Variants in ANO3 observed in about 807,000 individuals in gnomAD.
ANO3 encodes anoctamin 3, also known as anoctamin-3.
A neutral mutation model predicts 144.8 loss-of-function variants in ANO3; 99 were observed. That is an observed-to-expected ratio of 0.68 (90% CI 0.58 to 0.81). The LOEUF is 0.81. Ranked by LOEUF, ANO3 falls within the 30% of genes least tolerant of loss-of-function variation. The pLI is 0.00. For missense variants in ANO3, 905 were observed against 1,202.2 expected (o/e 0.75, Z 3.66); for synonymous variants, 414 against 392.6 (o/e 1.05, Z -0.64).
chr11:26,560,131 T>C (rs1005694095), intron 14 of ANO3: 11 of 197,218 alleles, frequency 5.6e-5, no homozygotes, highest in African/African-American at 2.6e-4. Context: ...AAAAGTTGTT[T>C]GATATTTCCA....
At chr11:26,652,871 C>A (rs1053022060) in intron 24 of ANO3, among the ~76,000 whole-genome samples, 1 of 152,194 alleles carries the variant, frequency 6.6e-6, no homozygotes, top group African/African-American at 2.4e-5. Context: ...AACTCCAGTT[C>A]TCACATCATT....
rs980392588 is a variant in ANO3 at position 26,579,302 on chromosome 11, A to G, written c.1448-19063A>G. Among the ~76,000 whole-genome samples, 23 of 152,294 alleles carry G rather than the reference A, an allele frequency of 1.5e-4. No homozygotes were observed. In the East Asian group the frequency reaches 3.3e-3, roughly 22 times the overall value. Reference sequence around the variant, plus strand: ...CCTCAGCAGCAGAGTGTTCTCACCAACGAGCCATAACTTGAAGCAGATAGA... The same window carrying G: ...CCTCAGCAGCAGAGTGTTCTCACCAGCGAGCCATAACTTGAAGCAGATAGA... On this transcript the variant is annotated intron_variant, in intron 14 of 26. Transcript: ENST00000256737.
In ANO3 at chr11:26,322,107, T is replaced by C. The variant is rs1854773908; in HGVS notation, c.-3+12388T>C. 2.0e-5 allele frequency among the ~76,000 whole-genome samples: 3 copies of C among 152,114 alleles called. No homozygotes were observed. In the South Asian group the frequency reaches 6.2e-4, roughly 31 times the overall value. On this transcript the variant is annotated intron_variant, in intron 1 of 26. Transcript: ENST00000525139. The stretch of plus-strand genomic sequence containing the variant: ...TTTGGTTCTAACTATGAATCTTTCC[T>C]TCAGTTTATGTACCGCATTTTTTTA...
rs376526768 is a variant in ANO3 at position 26,535,911 on chromosome 11, A to C, written c.976+1349A>C. On this transcript the variant is annotated intron_variant, in intron 9 of 26. Coordinates refer to ENST00000256737, the MANE Select transcript of ANO3 (RefSeq NM_031418.4). Reference sequence around the variant, plus strand: ...AGCCACTTTTTAAAGAAAAACCTTCAGACTGTTGTTCTTCTAATTAATAAT... The same window carrying C: ...AGCCACTTTTTAAAGAAAAACCTTCCGACTGTTGTTCTTCTAATTAATAAT... 1.5e-4 allele frequency among the ~76,000 whole-genome samples: 23 copies of C among 152,168 alleles called. No individual in the cohort carries two copies. The South Asian group carries it at 4.6e-3, about 30-fold the overall frequency.
chr11:26,460,099 T>A (rs1248948022), intron 3 of ANO3: 1 of 454,452 alleles, frequency 2.2e-6, no homozygotes, highest in Non-Finnish European at 4.4e-6. Flanking sequence ...ACAAACCATA[T>A]CCAAGTCATA....
chr11:26,552,864 A>C (rs953040521), intron 12 of ANO3, among the ~76,000 whole-genome samples: 5 of 152,046 alleles, frequency 3.3e-5, no homozygotes, highest in African/African-American at 9.7e-5. Flanking sequence ...AGAAAACCAA[A>C]TAGGTTTGAT....
intron 17 of ANO3, among the ~76,000 whole-genome samples, chr11:26,607,174 C>G (rs748701564): frequency 1.3e-4 from 20 of 152,046 alleles, no homozygotes; most frequent in Non-Finnish European, 2.4e-4. Context: ...ATGGACTTCC[C>G]TTTGTAGGTG....
At chr11:26,645,995 C>T (rs565443947) in intron 23 of ANO3, among the ~76,000 whole-genome samples, 3 of 152,242 alleles carry the variant, frequency 2.0e-5, no homozygotes, top group Admixed American at 6.5e-5. Flanking sequence ...CTGGATTTTA[C>T]TTTGCTCAAG....
chr11:26,621,096 C>G (rs1852401647), intron 17 of ANO3, among the ~76,000 whole-genome samples: 1 of 152,090 alleles, frequency 6.6e-6, no homozygotes, highest in East Asian at 1.9e-4. Context: ...GTTCTAAAAC[C>G]CATGTAGAAC....
At chr11:26,272,082 G>A (rs964409570) in intron 1 of ANO3, among the ~76,000 whole-genome samples, 2 of 151,854 alleles carry the variant, frequency 1.3e-5, no homozygotes, top group Non-Finnish European at 2.9e-5. Context: ...ATCGTCTCCC[G>A]GTGAGCGGTT....
At chr11:26,254,465 T>G (rs1853009882) in intron 1 of ANO3, among the ~76,000 whole-genome samples, 1 of 152,124 alleles carries the variant, frequency 6.6e-6, no homozygotes, top group Admixed American at 6.6e-5. Context: ...TTTAAAAGTA[T>G]TATCCACATT....
At chr11:26,408,546 C>T (rs2133983005) in intron 1 of ANO3, among the ~76,000 whole-genome samples, 1 of 147,884 alleles carries the variant, frequency 6.8e-6, no homozygotes, top group Middle Eastern at 3.5e-3. Flanking sequence ...ACTAGTTCAA[C>T]CATTGTGGAA....
chr11:26,584,864 T>C (rs1851233467), intron 14 of ANO3, among the ~76,000 whole-genome samples: 1 of 152,220 alleles, frequency 6.6e-6, no homozygotes, highest in Admixed American at 6.5e-5. Context: ...CTATAAGAAC[T>C]AAGTGCAGCC....
intron 17 of ANO3, among the ~76,000 whole-genome samples, chr11:26,620,422 A>ATTT (rs35381089): frequency 0.29 from 43,666 of 151,558 alleles, 6,627 homozygotes; most frequent in South Asian, 0.46. Context: ...GCATGGTGAA[A>ATTT]TTTTAATCAA....
At chr11:26,509,561 C>T (rs1313631200) in intron 5 of ANO3, among the ~76,000 whole-genome samples, 1 of 152,106 alleles carries the variant, frequency 6.6e-6, no homozygotes, top group Non-Finnish European at 1.5e-5. Context: ...GATCTGCCCA[C>T]TTCAGCCCCC....
intron 14 of ANO3, among the ~76,000 whole-genome samples, chr11:26,571,269 A>G (rs1426871107): frequency 6.6e-6 from 1 of 152,160 alleles, no homozygotes; most frequent in Non-Finnish European, 1.5e-5. Context: ...TAATGTCTAT[A>G]GGAGCAGCCT....
At chr11:26,406,558 C>T (rs528799010) in intron 1 of ANO3, among the ~76,000 whole-genome samples, 1 of 151,842 alleles carries the variant, frequency 6.6e-6, no homozygotes, top group East Asian at 2.0e-4. Context: ...ATGGATCTAC[C>T]TCTCACATAG....
At chr11:26,260,805 C>T (rs964989202) in intron 1 of ANO3, among the ~76,000 whole-genome samples, 4 of 152,012 alleles carry the variant, frequency 2.6e-5, no homozygotes, top group Non-Finnish European at 2.9e-5. Flanking sequence ...ATGCATAGAA[C>T]GTACAGATTT....
intron 1 of ANO3, among the ~76,000 whole-genome samples, chr11:26,385,903 T>TATA (rs58078292): frequency 0.032 from 4,755 of 148,824 alleles, 274 homozygotes; most frequent in African/African-American, 0.099. Context: ...GTATATATAT[T>TATA]TATATACATA....
Sources: allele counts gnomAD v4.1 joint callset (sites outside exome capture counted in the v4.1 genomes callset), GRCh38; gene constraint gnomAD v4.1.1; transcripts MANE v1.5; gene names NCBI Gene and HGNC (gene_info 2026-07-23, HGNC 2026-07-21).